The following ZNF148 variants were observed in gnomAD, a reference collection of about 807,000 sequenced individuals.
The protein encoded by ZNF148 is zinc finger protein 148.
A neutral mutation model predicts 67.7 loss-of-function variants in ZNF148; 7 were observed. That is an observed-to-expected ratio of 0.10 (90% CI 0.06 to 0.19). ZNF148 has a LOEUF of 0.19. Among genes scored for constraint, ZNF148 ranks in the 10% least tolerant of loss-of-function variants. ZNF148 has a pLI of 1.00. For synonymous variants in ZNF148, 333 were observed against 330.7 expected, an observed-to-expected ratio of 1.01 and a Z score of -0.08; for missense variants, 583 against 947.1, an observed-to-expected ratio of 0.62 and a Z score of 5.05.
intron 1 of ZNF148, among the ~76,000 whole-genome samples, chr3:125,339,502 G>A (rs962978278): frequency 5.3e-5 from 8 of 152,054 alleles, no homozygotes; most frequent in Admixed American, 6.6e-5. Flanking sequence ...ATGTGTAGAC[G>A]CACAGTAAAA....
chr3:125,283,101 C>T (rs886898855), intron 5 of ZNF148, among the ~76,000 whole-genome samples: 1 of 152,102 alleles, frequency 6.6e-6, no homozygotes, highest in Non-Finnish European at 1.5e-5. Flanking sequence ...AGAATGACAG[C>T]TGTGACAATT....
intron 7 of ZNF148, among the ~76,000 whole-genome samples, chr3:125,275,218 G>T (rs1579680243): frequency 6.6e-6 from 1 of 152,160 alleles, no homozygotes; most frequent in African/African-American, 2.4e-5. Context: ...CTCTTCAAAA[G>T]AACTTTTCTT....
intron 5 of ZNF148, among the ~76,000 whole-genome samples, chr3:125,279,716 T>TTA (rs1233046368): frequency 6.6e-6 from 1 of 150,574 alleles, no homozygotes; most frequent in Non-Finnish European, 1.5e-5. Flanking sequence ...CTCTATATAC[T>TTA]TATATGAAAA....
chr3:125,313,792 T>G, intron 3 of ZNF148, 136 bp from the exon 4 acceptor site: 1 of 688,048 alleles, frequency 1.5e-6, no homozygotes, highest in Non-Finnish European at 2.3e-6. Flanking sequence ...CCTCCAATTT[T>G]AAAATTATAA....
intron 5 of ZNF148, among the ~76,000 whole-genome samples, chr3:125,287,536 G>A (rs1938728826): frequency 6.6e-6 from 1 of 152,174 alleles, no homozygotes; most frequent in African/African-American, 2.4e-5. Flanking sequence ...CTACTCAGGA[G>A]GCTGAGGGAG....
chr3:125,339,918 A>G (rs1376175149), intron 1 of ZNF148, among the ~76,000 whole-genome samples: 1 of 152,174 alleles, frequency 6.6e-6, no homozygotes, highest in Non-Finnish European at 1.5e-5. Context: ...CATTATTTTC[A>G]ATGCTGAAAT....
At chr3:125,236,307 T>C (rs1936088381) in intron 7 of ZNF148, among the ~76,000 whole-genome samples, 1 of 152,108 alleles carries the variant, frequency 6.6e-6, no homozygotes, top group Admixed American at 6.6e-5. Context: ...GCAATCCTCC[T>C]CCTGCCTTGC....
chr3:125,242,826 T>A (rs1309489399), intron 7 of ZNF148, among the ~76,000 whole-genome samples: 2 of 152,174 alleles, frequency 1.3e-5, no homozygotes, highest in Admixed American at 1.3e-4. Context: ...ACACACTAAT[T>A]AAGTTCCATG....
intron 1 of ZNF148, among the ~76,000 whole-genome samples, chr3:125,360,339 G>A (rs894825350): frequency 7.9e-5 from 12 of 152,008 alleles, no homozygotes; most frequent in Non-Finnish European, 1.0e-4. Flanking sequence ...CAGGCTGAGC[G>A]CAGTGGTGCA....
intron 5 of ZNF148, among the ~76,000 whole-genome samples, chr3:125,282,304 G>T (rs1039447385): frequency 6.6e-6 from 1 of 152,072 alleles, no homozygotes; most frequent in Non-Finnish European, 1.5e-5. Context: ...GTTTGCCTTA[G>T]AGATTAGCAG....
At chr3:125,329,350 CATATATAAAATTTT>C (rs1941178699) in intron 2 of ZNF148, among the ~76,000 whole-genome samples, 1 of 15,808 alleles carries the variant, frequency 6.3e-5, no homozygotes, top group Non-Finnish European at 1.4e-4. Context: ...TAAAATTTTA[CATATATAAAATTTT>C]TTTTTTTTTT....
intron 4 of ZNF148, among the ~76,000 whole-genome samples, chr3:125,293,834 T>C (rs1326210396): frequency 1.3e-5 from 2 of 152,144 alleles, no homozygotes; most frequent in Non-Finnish European, 2.9e-5. Flanking sequence ...GTAATAACCA[T>C]TACAGGCAAG....
In ZNF148 at chr3:125,232,070, C is replaced by G; in HGVS notation, c.*271G>C. 1 of 313,480 alleles carries G rather than the reference C, an allele frequency of 3.2e-6. No homozygotes were observed. Among genetic ancestry groups the G allele is most frequent in the African/African-American group, 2.2e-5 (1 of 46,322 alleles). 19.4% of individuals were successfully genotyped at this position (313,480 alleles called of 1,614,324 possible). Reference sequence around the variant, plus strand: ...ATTGTGCGAAAGTCTTTTTTTTTTCCTTTTTAACTTGGTGTGGGTGGAATA... The same window carrying G: ...ATTGTGCGAAAGTCTTTTTTTTTTCGTTTTTAACTTGGTGTGGGTGGAATA... On this transcript the variant is annotated 3_prime_UTR_variant, in exon 9 of 9. Transcript: ENST00000360647. This position sits in a 1 kb window ranked among gnomAD's most constrained non-coding sequence, Gnocchi z 4.2.
intron 7 of ZNF148, among the ~76,000 whole-genome samples, chr3:125,256,448 G>A (rs1157451515): frequency 2.6e-5 from 4 of 152,004 alleles, no homozygotes; most frequent in African/African-American, 7.2e-5. Flanking sequence ...AGGTCAAGGC[G>A]GGCGGATCAC....
intron 7 of ZNF148, among the ~76,000 whole-genome samples, chr3:125,270,365 T>G (rs1937669227): frequency 1.3e-5 from 2 of 151,098 alleles, no homozygotes; most frequent in South Asian, 2.1e-4. Context: ...TACAAAAAAT[T>G]AAAAAAGATT....
intron 1 of ZNF148, among the ~76,000 whole-genome samples, chr3:125,333,375 C>T (rs537914776): frequency 6.6e-5 from 10 of 152,188 alleles, no homozygotes; most frequent in Non-Finnish European, 1.3e-4. Flanking sequence ...GAATGTCTTT[C>T]CCACACAACC....
At chr3:125,321,450 T>A (rs181589353) in intron 3 of ZNF148, among the ~76,000 whole-genome samples, 2 of 152,092 alleles carry the variant, frequency 1.3e-5, no homozygotes, top group East Asian at 3.8e-4. Context: ...TTATAAATAT[T>A]TGAATAAGTC....
chr3:125,268,774 G>A (rs540546239), intron 7 of ZNF148, among the ~76,000 whole-genome samples: 1 of 152,068 alleles, frequency 6.6e-6, no homozygotes, highest in Non-Finnish European at 1.5e-5. Flanking sequence ...GAGGCCAGGA[G>A]TTCAAGACCA....
chr3:125,273,313 C>T (rs1937859067), intron 7 of ZNF148, among the ~76,000 whole-genome samples: 1 of 152,080 alleles, frequency 6.6e-6, no homozygotes, highest in African/African-American at 2.4e-5. Flanking sequence ...GCTGTGTTTT[C>T]AGGCATGAAG....
Sources: gnomAD v4.1 joint callset for allele counts (sites outside exome capture counted in the v4.1 genomes callset) on GRCh38, gnomAD v4.1.1 for gene constraint, Gnocchi (gnomAD v3.1) non-coding constraint, MANE v1.5 for transcripts, NCBI Gene and HGNC (gene_info 2026-07-23, HGNC 2026-07-21) for gene names.